Variants in ZNF362 observed in about 807,000 individuals in gnomAD.
ZNF362 encodes the protein rotund homolog.
A neutral mutation model predicts 42.9 loss-of-function variants in ZNF362; 11 were observed. The ratio of observed to expected loss-of-function variants is 0.26; its 90% CI spans 0.16 to 0.42. The LOEUF is 0.42. Among genes scored for constraint, ZNF362 ranks in the 20% least tolerant of loss-of-function variants. The pLI is 1.00. For missense variants in ZNF362, 362 were observed against 576.2 expected (o/e 0.63, Z 3.81); for synonymous variants, 255 against 257.3 (o/e 0.99, Z 0.09).
chr1:33,222,713 C>G, the ZNF362 span, among the ~76,000 whole-genome samples: 2 of 152,178 alleles, frequency 1.3e-5, no homozygotes, highest in Non-Finnish European at 2.9e-5. Flanking sequence ...CTGGAAGAAC[C>G]TACATCTTCA....
chr1:33,295,452 C>G (rs2148139304), intron 8 of ZNF362, 147 bp downstream of exon 8: 1 of 1,113,076 alleles, frequency 9.0e-7, no homozygotes, highest in East Asian at 2.6e-5. Context: ...ACCCTGAGAT[C>G]ACAGGGAAGG....
the ZNF362 span, among the ~76,000 whole-genome samples, chr1:33,247,337 C>T: frequency 6.6e-6 from 1 of 152,208 alleles, no homozygotes; most frequent in Admixed American, 6.5e-5. Flanking sequence ...GGGAGTGAAC[C>T]ACCCAAACCA....
In ZNF362 at chr1:33,280,639, G is replaced by A. The variant is rs1244615206; in HGVS notation, c.683+182G>A. 6.6e-6 allele frequency among the ~76,000 whole-genome samples: 1 copy of A among 152,208 alleles called. No individual in the cohort carries two copies. Among genetic ancestry groups the A allele is most frequent in the Non-Finnish European group, 1.5e-5 (1 of 68,022 alleles). On this transcript the variant is annotated intron_variant, in intron 5 of 8. Coordinates refer to ENST00000539719, the MANE Select transcript of ZNF362 (RefSeq NM_152493.3). The surrounding 1 kb of genome is among the most constrained non-coding windows in gnomAD (Gnocchi z 5.6). ...CACATCCCAAGTCCCAGTTCGGGGA[G>A]GGCTGCTGGGGAGGGGAATAGAGGC...
intron 6 of ZNF362, among the ~76,000 whole-genome samples, chr1:33,286,900 C>A (rs1014606189): frequency 6.6e-6 from 1 of 152,256 alleles, no homozygotes; most frequent in Admixed American, 6.5e-5. Flanking sequence ...CAAAACAGAG[C>A]CAGCCCCGGT....
chr1:33,286,283 C>T (rs899476695), intron 6 of ZNF362, among the ~76,000 whole-genome samples: 12 of 151,730 alleles, frequency 7.9e-5, no homozygotes, highest in Non-Finnish European at 1.5e-5. Flanking sequence ...GTTGACAGAA[C>T]AGGCAAGCTA....
At chr1:33,289,625 T>C (rs1280142577) in intron 6 of ZNF362, among the ~76,000 whole-genome samples, 1 of 152,222 alleles carries the variant, frequency 6.6e-6, no homozygotes, top group Admixed American at 6.5e-5. Flanking sequence ...ACCCAGAGCA[T>C]GGAAGTCGCT....
chr1:33,290,227 C>A (rs573473270), intron 6 of ZNF362, among the ~76,000 whole-genome samples: 1 of 152,224 alleles, frequency 6.6e-6, no homozygotes, highest in East Asian at 1.9e-4. Context: ...TATAACCCCA[C>A]AACAAGCCCC....
chr1:33,284,294 C>T (rs1252833439), intron 6 of ZNF362, among the ~76,000 whole-genome samples: 2 of 152,222 alleles, frequency 1.3e-5, no homozygotes, highest in East Asian at 3.8e-4. Flanking sequence ...TTGTTTCTTA[C>T]TCTCAGGCTT....
chr1:33,297,586 A>G (rs533152761), intron 8 of ZNF362, among the ~76,000 whole-genome samples: 1 of 138,272 alleles, frequency 7.2e-6, no homozygotes, highest in Admixed American at 8.2e-5. Flanking sequence ...GTCTCAGCTC[A>G]CTGCAACATC....
At chr1:33,250,251 TTCC>T in the ZNF362 span, among the ~76,000 whole-genome samples, 1 of 152,174 alleles carries the variant, frequency 6.6e-6, no homozygotes, top group Non-Finnish European at 1.5e-5. Flanking sequence ...GGGGATAATG[TTCC>T]TACCAGCCTC....
At chr1:33,185,768 A>T in the ZNF362 span, among the ~76,000 whole-genome samples, 3 of 151,354 alleles carry the variant, frequency 2.0e-5, no homozygotes, top group South Asian at 2.1e-4. Context: ...AACATCAGGA[A>T]TTTTTTTTTC....
chr1:33,159,246 C>T, the ZNF362 span, among the ~76,000 whole-genome samples: 4 of 151,508 alleles, frequency 2.6e-5, no homozygotes, highest in Admixed American at 1.3e-4. This position sits in a 1 kb window ranked among gnomAD's most constrained non-coding sequence, Gnocchi z 4.2. Flanking sequence ...TATAGTAACA[C>T]GTAATGCCAA....
At chr1:33,230,532 G>A in the ZNF362 span, among the ~76,000 whole-genome samples, 1 of 152,196 alleles carries the variant, frequency 6.6e-6, no homozygotes, top group Non-Finnish European at 1.5e-5. Flanking sequence ...AATAGCTGAT[G>A]TTCACCGAAT....
intron 1 of ZNF362, among the ~76,000 whole-genome samples, chr1:33,262,365 C>T (rs1264145856): frequency 3.7e-4 from 8 of 21,882 alleles, no homozygotes; most frequent in African/African-American, 6.9e-4. Context: ...AGTGCAGTAG[C>T]GCGATCTCCC....
the ZNF362 span, among the ~76,000 whole-genome samples, chr1:33,168,213 A>G: frequency 6.6e-6 from 1 of 152,250 alleles, no homozygotes; most frequent in South Asian, 2.1e-4. Context: ...TGCTGATGCA[A>G]TTGTTGGAAC....
At chr1:33,188,164 G>A in the ZNF362 span, among the ~76,000 whole-genome samples, 7 of 152,182 alleles carry the variant, frequency 4.6e-5, no homozygotes, top group African/African-American at 1.7e-4. Context: ...AACCCAGGAG[G>A]CAGAGGTTGA....
chr1:33,213,311 A>G, the ZNF362 span, among the ~76,000 whole-genome samples: 1 of 152,114 alleles, frequency 6.6e-6, no homozygotes, highest in African/African-American at 2.4e-5. Context: ...CATTTTCTTA[A>G]TCACGGCGAT....
chr1:33,269,288 T>C (rs143983764), intron 1 of ZNF362, among the ~76,000 whole-genome samples: 1 of 152,308 alleles, frequency 6.6e-6, no homozygotes, highest in African/African-American at 2.4e-5. Context: ...ATTGTTTTCA[T>C]TAAGCAGCTG....
chr1:33,280,472 G>C lies in ZNF362; in HGVS notation c.683+15G>C. On this transcript the variant is annotated intron_variant, in intron 5 of 8. Coordinates refer to ENST00000539719, the MANE Select transcript of ZNF362 (RefSeq NM_152493.3). The surrounding 1 kb of genome is among the most constrained non-coding windows in gnomAD (Gnocchi z 5.6). ...AAGACGTACAGGTGGGGGTCTTGGC[G>C]GGATGGGGTCCGAGTGGGCTTGGGG... 6.5e-7 allele frequency: 1 copy of C among 1,549,916 alleles called. No individual in the cohort carries two copies. Among genetic ancestry groups the C allele is most frequent in the South Asian group, 1.2e-5 (1 of 83,094 alleles).
Sources: allele counts gnomAD v4.1 joint callset (sites outside exome capture counted in the v4.1 genomes callset), GRCh38; gene constraint gnomAD v4.1.1; non-coding constraint Gnocchi (gnomAD v3.1); transcripts MANE v1.5; gene names NCBI Gene and HGNC (gene_info 2026-07-23, HGNC 2026-07-21).